The following TMEM132D variants were observed in gnomAD, a reference collection of about 807,000 sequenced individuals.
The protein encoded by TMEM132D is mature OL transmembrane protein.
A neutral mutation model predicts 62.3 loss-of-function variants in TMEM132D; 21 were observed. That is an observed-to-expected ratio of 0.34 (90% CI 0.24 to 0.49). The LOEUF (loss-of-function observed/expected upper bound fraction) is 0.49, where lower values mean the gene tolerates loss of function less well. Among genes scored for constraint, TMEM132D ranks in the 20% least tolerant of loss-of-function variants. The pLI is 0.99. For synonymous variants in TMEM132D, 621 were observed against 575.6 expected (o/e 1.08, Z -1.13); for missense variants, 1,346 against 1,402.8 (o/e 0.96, Z 0.65).
chr12:129,131,965 T>G (rs1876388591), intron 5 of TMEM132D, among the ~76,000 whole-genome samples: 1 of 152,224 alleles, frequency 6.6e-6, no homozygotes, highest in Non-Finnish European at 1.5e-5. Context: ...TGAAGGACTT[T>G]TAAACCTAAC....
At chr12:129,293,890 T>C (rs1881508359) in intron 4 of TMEM132D, among the ~76,000 whole-genome samples, 1 of 152,182 alleles carries the variant, frequency 6.6e-6, no homozygotes, top group Non-Finnish European at 1.5e-5. Context: ...GGACCAATAC[T>C]GGTCCATAGC....
At chr12:129,617,931 G>T (rs994982827) in intron 2 of TMEM132D, among the ~76,000 whole-genome samples, 2 of 152,150 alleles carry the variant, frequency 1.3e-5, no homozygotes, top group African/African-American at 4.8e-5. Context: ...AAGCAGACTG[G>T]CCTCATTTCA....
chr12:129,512,226 C>T (rs747718539), intron 3 of TMEM132D, among the ~76,000 whole-genome samples: 4 of 152,184 alleles, frequency 2.6e-5, no homozygotes, highest in Non-Finnish European at 5.9e-5. Context: ...ATTCCTGTGT[C>T]TCCGGCATGC....
At chr12:129,141,943 C>A (rs977931314) in intron 5 of TMEM132D, among the ~76,000 whole-genome samples, 6 of 149,254 alleles carry the variant, frequency 4.0e-5, no homozygotes, top group African/African-American at 1.2e-4. Context: ...ACTAAAAAAA[C>A]CCCAAAACTC....
intron 1 of TMEM132D, among the ~76,000 whole-genome samples, chr12:129,902,703 C>T (rs1875400125): frequency 6.6e-6 from 1 of 152,252 alleles, no homozygotes; most frequent in Admixed American, 6.5e-5. Flanking sequence ...CCAAACCTCA[C>T]AGCGGCAGAC....
chr12:129,348,400 T>C (rs1869756004), intron 3 of TMEM132D, among the ~76,000 whole-genome samples: 1 of 152,198 alleles, frequency 6.6e-6, no homozygotes, highest in South Asian at 2.1e-4. Flanking sequence ...TTCATGTCCT[T>C]TGCAGGGACA....
At chr12:129,552,624 ATC>A (rs1183681503) in intron 2 of TMEM132D, among the ~76,000 whole-genome samples, 1 of 111,878 alleles carries the variant, frequency 8.9e-6, no homozygotes, top group Admixed American at 1.1e-4. Context: ...TCTATTATTT[ATC>A]TGTCATCTAC....
At chr12:129,250,150 C>T (rs117030086) in intron 4 of TMEM132D, among the ~76,000 whole-genome samples, 4,515 of 152,210 alleles carry the variant, frequency 0.03, 121 homozygotes, top group South Asian at 0.11. Flanking sequence ...AGAATGCAGG[C>T]GGGGTAGCAA....
chr12:129,851,029 G>A (rs1873521270), intron 1 of TMEM132D, among the ~76,000 whole-genome samples: 1 of 152,128 alleles, frequency 6.6e-6, no homozygotes, highest in Admixed American at 6.6e-5. Flanking sequence ...GTGAAACTGA[G>A]GTCAATATTT....
intron 3 of TMEM132D, among the ~76,000 whole-genome samples, chr12:129,509,589 T>C (rs1408442594): frequency 6.6e-6 from 1 of 152,174 alleles, no homozygotes; most frequent in Non-Finnish European, 1.5e-5. Flanking sequence ...CTATTTTTTG[T>C]ATCCAGTAAC....
chr12:129,189,999 G>C (rs1358440190), intron 5 of TMEM132D, among the ~76,000 whole-genome samples: 1 of 152,014 alleles, frequency 6.6e-6, no homozygotes, highest in Non-Finnish European at 1.5e-5. Context: ...AGGGAGGTGA[G>C]ACTAGAGGAA....
intron 2 of TMEM132D, among the ~76,000 whole-genome samples, chr12:129,698,933 G>T (rs1238851206): frequency 6.6e-6 from 1 of 152,072 alleles, no homozygotes; most frequent in Non-Finnish European, 1.5e-5. Context: ...CTTACATACA[G>T]TTACACTCCT....
intron 1 of TMEM132D, among the ~76,000 whole-genome samples, chr12:129,879,965 CAT>C (rs541897907): frequency 5.3e-4 from 80 of 152,190 alleles, no homozygotes; most frequent in Non-Finnish European, 8.8e-4. Context: ...GAAGAGGAAA[CAT>C]GTGATGATTT....
chr12:129,490,596 A>ATTTTTTTT (rs35535325), intron 3 of TMEM132D, among the ~76,000 whole-genome samples: 80 of 71,104 alleles, frequency 1.1e-3, no homozygotes, highest in African/African-American at 5.3e-3. Context: ...CGCCCGGCTA[A>ATTTTTTTT]TTTTTTTTTT....
intron 5 of TMEM132D, among the ~76,000 whole-genome samples, chr12:129,152,273 G>A (rs557705480): frequency 7.9e-5 from 12 of 152,304 alleles, no homozygotes; most frequent in Non-Finnish European, 1.8e-4. Flanking sequence ...TGGGTAATGG[G>A]GGTGTTGTCA....
chr12:129,087,121 C>A (rs924271374), intron 5 of TMEM132D, among the ~76,000 whole-genome samples: 2 of 152,034 alleles, frequency 1.3e-5, no homozygotes, highest in Admixed American at 1.3e-4. Context: ...TATCTTTGAC[C>A]ATCCTCTCTC....
In TMEM132D at chr12:129,277,045, G is replaced by A. The variant is rs539333723; in HGVS notation, c.1299+60589C>T. On this transcript the variant is annotated intron_variant, in intron 4 of 8. Coordinates refer to ENST00000422113, the MANE Select transcript of TMEM132D (RefSeq NM_133448.3). This position sits in a 1 kb window ranked among gnomAD's most constrained non-coding sequence, Gnocchi z 4.2. ...AAGTCTTGGAGGAGATTCTAAGTCT[G>A]ACCAAAGGCTAAGGCTTCCAAAGCC... Among the ~76,000 whole-genome samples the A allele has an allele frequency of 3.2e-4, 49 of 152,258 alleles. No individual in the cohort carries two copies. The highest frequency in any genetic ancestry group is 8.3e-4 in the South Asian group (4 of 4,812).
intron 4 of TMEM132D, among the ~76,000 whole-genome samples, chr12:129,331,323 T>A (rs1415115972): frequency 1.3e-5 from 2 of 152,188 alleles, no homozygotes; most frequent in South Asian, 4.1e-4. Flanking sequence ...TATGTATCCT[T>A]ATGCCATTGT....
At chr12:129,640,905 G>A (rs983716177) in intron 2 of TMEM132D, among the ~76,000 whole-genome samples, 7 of 152,188 alleles carry the variant, frequency 4.6e-5, no homozygotes, top group South Asian at 4.1e-4. Context: ...CTGTGCATGC[G>A]AGGGATCTAG....
Sources: gnomAD v4.1 joint callset for allele counts (sites outside exome capture counted in the v4.1 genomes callset) on GRCh38, gnomAD v4.1.1 for gene constraint, Gnocchi (gnomAD v3.1) non-coding constraint, MANE v1.5 for transcripts, NCBI Gene and HGNC (gene_info 2026-07-23, HGNC 2026-07-21) for gene names.